RGL1: variants seen among roughly 807,000 people sequenced by gnomAD.
RGL1 encodes ral guanine nucleotide dissociation stimulator like 1, also known as ral guanine nucleotide dissociation stimulator-like 1.
RGL1 carries 24 observed loss-of-function variants against 95.2 expected under a neutral mutation model. The observed-to-expected ratio is 0.25, with a 90% CI of 0.18 to 0.35. The LOEUF (loss-of-function observed/expected upper bound fraction) is 0.35. Among genes scored for constraint, RGL1 ranks in the 10% least tolerant of loss-of-function variants. The pLI is 1.00. For synonymous variants in RGL1, 329 were observed against 344.9 expected, an observed-to-expected ratio of 0.95 and a Z score of 0.51; for missense variants, 715 against 936.3, an observed-to-expected ratio of 0.76 and a Z score of 3.08.
intron 2 of RGL1, among the ~76,000 whole-genome samples, chr1:183,775,435 T>G (rs573229011): frequency 3.9e-4 from 60 of 152,240 alleles, no homozygotes; most frequent in Non-Finnish European, 5.0e-4. Context: ...TAGGAAGCAC[T>G]TAATTGATGT....
At chr1:183,813,938 A>AT (rs974225539) in intron 2 of RGL1, among the ~76,000 whole-genome samples, 4 of 152,128 alleles carry the variant, frequency 2.6e-5, no homozygotes, top group Admixed American at 6.5e-5. Context: ...TTCACATTTT[A>AT]TTTTTTAGGA....
intron 2 of RGL1, among the ~76,000 whole-genome samples, chr1:183,784,410 T>C (rs1308989482): frequency 6.6e-6 from 1 of 152,158 alleles, no homozygotes; most frequent in Non-Finnish European, 1.5e-5. Context: ...ATGGGCAGAC[T>C]TCCAAGCTCT....
In RGL1 at chr1:183,912,276, C is replaced by T. The variant is rs1341073503; in HGVS notation, c.1749+8C>T. On this transcript the variant is annotated splice_region_variant and intron_variant, in intron 15 of 17. Transcript: ENST00000360851. ...GATGAGCCTCAAAAAAAGGTATATACTCAACCCTTCTCATAATTCCTAATG... is the reference window on the plus strand; with the variant it reads ...GATGAGCCTCAAAAAAAGGTATATATTCAACCCTTCTCATAATTCCTAATG... 2 of 1,607,144 alleles carry T rather than the reference C, an allele frequency of 1.2e-6. No homozygotes were observed. Among genetic ancestry groups the T allele is most frequent in the East Asian group, 2.2e-5 (1 of 44,732 alleles).
rs1651481354 is a variant in RGL1 at position 183,659,890 on chromosome 1, G to C, written c.-33+23389G>C. Among the ~76,000 whole-genome samples the C allele has an allele frequency of 1.3e-5, 2 of 149,848 alleles. 1 individual carries two copies. Among genetic ancestry groups the C allele is most frequent in the African/African-American group, 5.1e-5 (2 of 39,416 alleles). On this transcript the variant is annotated intron_variant, in intron 1 of 18. Coordinates refer to the RGL1 transcript ENST00000304685. ...GAAACTCTAGAAGCCGGAAGAGAGTGGGGGCCAATATTCAACATTCTTAAA... is the reference window on the plus strand; with the variant it reads ...GAAACTCTAGAAGCCGGAAGAGAGTCGGGGCCAATATTCAACATTCTTAAA...
rs1331957227 is a variant in RGL1, at chr1:183,926,144, T to C, written c.2159T>C (p.Met720Thr). The C allele has an allele frequency of 1.2e-6, 2 of 1,614,092 alleles. No homozygotes were observed. The highest frequency in any genetic ancestry group is 1.1e-5 in the South Asian group (1 of 91,060). The change falls in exon 18 of 18, where the codon ATG (methionine) becomes ACG (threonine). Residue 720 changes from methionine to threonine, a missense_variant. Met to Thr is a moderately conservative substitution (Grantham distance 81). Around this residue, in one of 3 missense-constraint regions of RGL1, gnomAD observed 330 missense variants for 429.6 expected, o/e 0.77. Transcript: ENST00000360851. ...GACTCAGCAAATGTCTTTTATGCCA[T>C]GAACAGCCAAGTGAACTTTGACTTC... Reference protein sequence around the residue: ...IPDSANVFYAMNSQVNFDFIL... With the variant: ...IPDSANVFYATNSQVNFDFIL...
intron 1 of RGL1, chr1:183,653,328 A>G (rs1650908472): frequency 6.6e-6 from 1 of 152,230 alleles, no homozygotes; most frequent in Non-Finnish European, 1.5e-5. Context: ...ATTGGGTGCC[A>G]TGGTAACGTT....
chr1:183,672,462 T>G (rs930041432), intron 1 of RGL1, among the ~76,000 whole-genome samples: 3 of 152,206 alleles, frequency 2.0e-5, no homozygotes, highest in Non-Finnish European at 4.4e-5. Flanking sequence ...ACATTTTCAT[T>G]TATTCTATGT....
chr1:183,705,319 T>TG (rs1011059626), intron 1 of RGL1, among the ~76,000 whole-genome samples: 8 of 151,990 alleles, frequency 5.3e-5, no homozygotes, highest in South Asian at 2.1e-4. Flanking sequence ...GATAGGTGAC[T>TG]GGGGGGGTGC....
chr1:183,778,175 AG>A (rs1285187944), intron 2 of RGL1, among the ~76,000 whole-genome samples: 1 of 152,214 alleles, frequency 6.6e-6, no homozygotes, highest in Non-Finnish European at 1.5e-5. Flanking sequence ...TTGTTCTCAC[AG>A]GAAGATCTAA....
chr1:183,679,847 T>A (rs920786204), intron 1 of RGL1, among the ~76,000 whole-genome samples: 1 of 152,216 alleles, frequency 6.6e-6, no homozygotes, highest in African/African-American at 2.4e-5. Context: ...GTAAAAGTGT[T>A]CCTATTTCTC....
intron 2 of RGL1, among the ~76,000 whole-genome samples, chr1:183,786,619 C>T (rs1387393030): frequency 1.3e-5 from 2 of 152,098 alleles, no homozygotes; most frequent in Non-Finnish European, 2.9e-5. Flanking sequence ...TAGGGATGCT[C>T]AATCTCTACT....
chr1:183,855,945 G>A (rs61541828), intron 3 of RGL1, among the ~76,000 whole-genome samples: 6 of 152,122 alleles, frequency 3.9e-5, no homozygotes, highest in Admixed American at 2.6e-4. Flanking sequence ...GGGCCAAATC[G>A]AAATTAGCAG....
chr1:183,791,784 T>C (rs892253666), intron 2 of RGL1, among the ~76,000 whole-genome samples: 1 of 152,248 alleles, frequency 6.6e-6, no homozygotes, highest in African/African-American at 2.4e-5. Flanking sequence ...CTGTCTGACA[T>C]TGAGGCATTA....
intron 1 of RGL1, among the ~76,000 whole-genome samples, chr1:183,720,497 T>A (rs1655960598): frequency 6.6e-6 from 1 of 152,234 alleles, no homozygotes; most frequent in Non-Finnish European, 1.5e-5. Context: ...GTGCTGCCAA[T>A]GTGCAAAGAC....
At position 183,694,258 on chromosome 1, in the gene RGL1, T is replaced by A. The variant is rs1654128935; in HGVS notation, c.-32-47868T>A. On this transcript the variant is annotated intron_variant, in intron 1 of 18. Coordinates refer to the RGL1 transcript ENST00000304685. ...GCAGTCCCCAGGAGAGTGCGGTGTGTTGAGCTGTGGCTAGTGTGTGTAGTT... is the reference window on the plus strand; with the variant it reads ...GCAGTCCCCAGGAGAGTGCGGTGTGATGAGCTGTGGCTAGTGTGTGTAGTT... 5.3e-5 allele frequency among the ~76,000 whole-genome samples: 8 copies of A among 152,202 alleles called. No homozygotes were observed. The South Asian group carries it at 1.4e-3, about 28-fold the overall frequency.
chr1:183,912,048 C>T (rs1271332315), intron 14 of RGL1, 34 bp from the exon 15 acceptor site: 2 of 1,586,982 alleles, frequency 1.3e-6, no homozygotes, highest in Admixed American at 3.4e-5. Context: ...AGATTTGTAA[C>T]AGCCCAAATG....
intron 1 of RGL1, among the ~76,000 whole-genome samples, chr1:183,719,326 TCTC>T (rs1322850809): frequency 6.6e-6 from 1 of 152,220 alleles, no homozygotes; most frequent in African/African-American, 2.4e-5. Flanking sequence ...TGTGGTCTCT[TCTC>T]CTCCTTGTAG....
intron 2 of RGL1, among the ~76,000 whole-genome samples, chr1:183,757,105 G>C (rs1183233135): frequency 6.7e-6 from 1 of 149,582 alleles, no homozygotes; most frequent in African/African-American, 2.5e-5. Context: ...TGTTTTACAA[G>C]AATACCACAA....
chr1:183,891,393 A>G (rs1181903170), intron 8 of RGL1, among the ~76,000 whole-genome samples: 1 of 152,160 alleles, frequency 6.6e-6, no homozygotes, highest in Non-Finnish European at 1.5e-5. Flanking sequence ...TCACTGTCCC[A>G]GCAGTCCCAT....
Sources: gnomAD v4.1 joint callset for allele counts (sites outside exome capture counted in the v4.1 genomes callset) on GRCh38, gnomAD v4.1.1 for gene constraint, gnomAD v4.1.1 regional missense constraint, MANE v1.5 for transcripts, NCBI Gene and HGNC (gene_info 2026-07-23, HGNC 2026-07-21) for gene names.